Variants in GNAS observed in about 807,000 individuals in gnomAD.
The protein encoded by GNAS is protein ALEX.
In GNAS, 8 loss-of-function variants were observed where a neutral mutation model predicts 54.5. The observed-to-expected ratio is 0.15, with a 90% CI of 0.09 to 0.26. The LOEUF (loss-of-function observed/expected upper bound fraction) is 0.26. Ranked by LOEUF, GNAS falls within the 10% of genes least tolerant of loss-of-function variation. The pLI is 1.00. For synonymous variants in GNAS, 204 were observed against 191.4 expected, an observed-to-expected ratio of 1.07 and a Z score of -0.54; for missense variants, 170 against 529.8, an observed-to-expected ratio of 0.32 and a Z score of 6.67.
chr20:58,902,544 A>C (rs560038006), intron 3 of GNAS, among the ~76,000 whole-genome samples: 5 of 152,012 alleles, frequency 3.3e-5, no homozygotes, highest in Admixed American at 1.3e-4. Flanking sequence ...AGGAAAAGCT[A>C]CAAAACCTTC....
chr20:58,889,407 G>C (rs2088890704), upstream of GNAS: 1 of 981,112 alleles, frequency 1.0e-6, no homozygotes, highest in Non-Finnish European at 1.2e-6. Flanking sequence ...CCCGGCGCAG[G>C]CAAGAGCCGC....
At chr20:58,904,093 TA>T (rs1222985404) in intron 5 of GNAS, among the ~76,000 whole-genome samples, 1 of 152,236 alleles carries the variant, frequency 6.6e-6, no homozygotes, top group Non-Finnish European at 1.5e-5. Context: ...AATCTCACTT[TA>T]TTAGATTGTA....
At chr20:58,889,113 G>C, upstream of GNAS, 1 of 1,149,432 alleles carries the variant, frequency 8.7e-7, no homozygotes, top group South Asian at 1.5e-5. Context: ...GCTATGGGTC[G>C]GTCCTCTGAA....
At chr20:58,897,236 C>T (rs2090150125) in intron 2 of GNAS, among the ~76,000 whole-genome samples, 1 of 152,210 alleles carries the variant, frequency 6.6e-6, no homozygotes, top group Admixed American at 6.5e-5. Context: ...TAATTCTTGA[C>T]ACACCCCTCG....
chr20:58,840,784 C>A (rs759229542), upstream of GNAS: 4 of 1,611,174 alleles, frequency 2.5e-6, no homozygotes, highest in Non-Finnish European at 3.4e-6. The surrounding 1 kb of genome is among the most constrained non-coding windows in gnomAD (Gnocchi z 6.0). Context: ...AGCCCACCCG[C>A]CGTGACGCGT....
intron 1 of GNAS, among the ~76,000 whole-genome samples, chr20:58,852,434 C>G (rs971041917): frequency 6.6e-6 from 1 of 152,240 alleles, no homozygotes; most frequent in Non-Finnish European, 1.5e-5. Flanking sequence ...CTGTCGCATC[C>G]CTACGCGTGC....
chr20:58,908,795 G>A (rs1308898035), intron 6 of GNAS: 3 of 307,326 alleles, frequency 9.8e-6, no homozygotes, highest in South Asian at 3.2e-5. Flanking sequence ...GAATAAAGAA[G>A]CTAAGTAAAG....
chr20:58,889,937 GGCCGCGGCGGCT>G (rs1461443166), upstream of GNAS, among the ~76,000 whole-genome samples: 5 of 151,682 alleles, frequency 3.3e-5, no homozygotes, highest in Non-Finnish European at 5.9e-5. Context: ...AGAAGAAGAC[GGCCGCGGCGGCT>G]GCCGAGGTGG....
upstream of GNAS, chr20:58,888,991 G>A (rs2145851063): frequency 2.3e-6 from 2 of 884,770 alleles, no homozygotes; most frequent in African/African-American, 3.6e-5. Flanking sequence ...CCCGGCCCAC[G>A]CCCGCGCGGT....
rs1272177454 is a variant in GNAS at position 58,910,317 on chromosome 20, A to G, written c.971-17A>G. Reference sequence around the variant, plus strand: ...TGAATTTTAAATTACATTAATATGTATTCCCTTTTTATATAGCTACTCCCG... The same window carrying G: ...TGAATTTTAAATTACATTAATATGTGTTCCCTTTTTATATAGCTACTCCCG... On this transcript the variant is annotated splice_polypyrimidine_tract_variant and intron_variant, in intron 11 of 12. Coordinates refer to ENST00000371085, the MANE Select transcript of GNAS (RefSeq NM_000516.7). The surrounding 1 kb of genome is among the most constrained non-coding windows in gnomAD (Gnocchi z 5.8). 10 of 1,578,222 alleles carry G rather than the reference A, an allele frequency of 6.3e-6. No individual in the cohort carries two copies. Among genetic ancestry groups the G allele is most frequent in the Non-Finnish European group, 8.7e-6 (10 of 1,147,282 alleles).
chr20:58,892,241 TG>T, intron 1 of GNAS: 3 of 922,212 alleles, frequency 3.3e-6, no homozygotes, highest in Non-Finnish European at 3.9e-6. Context: ...GGGGAGCCCA[TG>T]GGGCTCCGGA....
intron 1 of GNAS, chr20:58,854,508 A>G (rs868058606): frequency 1.9e-6 from 3 of 1,570,976 alleles, no homozygotes; most frequent in African/African-American, 2.9e-5. Context: ...CGACTCCGGG[A>G]CAGCACCAGC....
chr20:58,854,721 C>A, intron 1 of GNAS: 3 of 1,534,612 alleles, frequency 2.0e-6, no homozygotes, highest in Non-Finnish European at 1.7e-6. Flanking sequence ...CCGGGCAGCC[C>A]ATGTCGCCCC....
At position 58,857,663 on chromosome 20, in the gene GNAS, A is replaced by G. The variant is rs934605863; in HGVS notation, c.43+16777A>G. On this transcript the variant is annotated intron_variant, in intron 1 of 12. Transcript: ENST00000306090. The surrounding 1 kb of genome is among the most constrained non-coding windows in gnomAD (Gnocchi z 4.1). ...GATTTGAGTCTTCTATTCTTCCTGGAGGTGGGGGGTGGAGGAGACACAGTC... is the reference window on the plus strand; with the variant it reads ...GATTTGAGTCTTCTATTCTTCCTGGGGGTGGGGGGTGGAGGAGACACAGTC... Among the ~76,000 whole-genome samples the G allele has an allele frequency of 1.8e-4, 28 of 152,160 alleles. No homozygotes were observed. Among genetic ancestry groups the G allele is most frequent in the Middle Eastern group, 3.4e-3 (1 of 294 alleles).
intron 1 of GNAS, chr20:58,892,637 C>T (rs1257203543): frequency 6.6e-6 from 1 of 152,058 alleles, no homozygotes; most frequent in East Asian, 1.9e-4. Flanking sequence ...GCAGGACCGA[C>T]TGACTGTGTG....
intron 1 of GNAS, chr20:58,850,618 C>T: frequency 2.5e-6 from 1 of 399,150 alleles, no homozygotes. Context: ...TCCTTGGGGT[C>T]CTGGCCCTCT....
chr20:58,893,339 T>G (rs935405305), intron 1 of GNAS, among the ~76,000 whole-genome samples: 1 of 152,026 alleles, frequency 6.6e-6, no homozygotes, highest in African/African-American at 2.4e-5. Context: ...GGGAAAAAAA[T>G]GTAATGAAAT....
At position 58,853,053 on chromosome 20, in the gene GNAS, C is replaced by T; in HGVS notation, c.43+12167C>T. The T allele has an allele frequency of 7.3e-7, 1 of 1,368,920 alleles. No individual in the cohort carries two copies. The highest frequency in any genetic ancestry group is 9.4e-7 in the Non-Finnish European group (1 of 1,066,198). The allele number at this position is 1,368,920 out of a possible 1,614,324, so 84.8% of individuals were successfully genotyped here. ...AAGTGGCCAGGAAGGAGCCAAGACTCCACCAGCAACAATTGAGTTGCTTCA... is the reference window on the plus strand; with the variant it reads ...AAGTGGCCAGGAAGGAGCCAAGACTTCACCAGCAACAATTGAGTTGCTTCA... On this transcript the variant is annotated intron_variant, in intron 1 of 12. Transcript: ENST00000306090. This position sits in a 1 kb window ranked among gnomAD's most constrained non-coding sequence, Gnocchi z 4.4.
At chr20:58,892,188 C>CTCG in intron 1 of GNAS, 1 of 976,628 alleles carries the variant, frequency 1.0e-6, no homozygotes, top group Non-Finnish European at 1.2e-6. Flanking sequence ...TCCGCGAGGC[C>CTCG]TACACGACGC....
Sources: allele counts gnomAD v4.1 joint callset (sites outside exome capture counted in the v4.1 genomes callset), GRCh38; gene constraint gnomAD v4.1.1; non-coding constraint Gnocchi (gnomAD v3.1); transcripts MANE v1.5; gene names NCBI Gene and HGNC (gene_info 2026-07-23, HGNC 2026-07-21).